Variants in SLC25A31 observed in about 807,000 individuals in gnomAD.
SLC25A31 encodes the protein solute carrier family 25 member 31.
A neutral mutation model predicts 36.2 loss-of-function variants in SLC25A31; 40 were observed. The ratio of observed to expected loss-of-function variants is 1.10; its 90% CI spans 0.86 to 1.44. The LOEUF is 1.44. Among genes scored for constraint, SLC25A31 ranks in the 40% most tolerant of loss-of-function variants. The pLI is 0.00. For synonymous variants in SLC25A31, 143 were observed against 149.7 expected (o/e 0.96, Z 0.32); for missense variants, 350 against 397.1 (o/e 0.88, Z 1.01).
chr4:127,756,544 TAATG>T (rs1237657257), intron 2 of SLC25A31, among the ~76,000 whole-genome samples: 1 of 152,158 alleles, frequency 6.6e-6, no homozygotes, highest in African/African-American at 2.4e-5. Flanking sequence ...TAGTTAATAA[TAATG>T]TATATTTCAA....
chr4:127,768,620 A>G (rs1195722487), intron 4 of SLC25A31, 132 bp from the exon 5 acceptor site: 2 of 708,902 alleles, frequency 2.8e-6, no homozygotes, highest in African/African-American at 3.6e-5. Flanking sequence ...CTACTATTAA[A>G]TCCAACATTT....
chr4:127,745,837 T>C (rs550990033), intron 2 of SLC25A31, among the ~76,000 whole-genome samples: 2 of 152,258 alleles, frequency 1.3e-5, no homozygotes, highest in African/African-American at 4.8e-5. Flanking sequence ...TGGGGGTACA[T>C]GTGAAGGTTT....
intron 2 of SLC25A31, among the ~76,000 whole-genome samples, chr4:127,753,715 C>A (rs1006955586): frequency 6.6e-6 from 1 of 152,028 alleles, no homozygotes; most frequent in South Asian, 2.1e-4. Flanking sequence ...AACCCAGGAT[C>A]AGATGGCTTT....
intron 2 of SLC25A31, among the ~76,000 whole-genome samples, chr4:127,748,016 G>A (rs1731855835): frequency 1.3e-5 from 2 of 152,200 alleles, no homozygotes; most frequent in South Asian, 4.1e-4. Context: ...AACACGTGAT[G>A]TGTTGCCACA....
In SLC25A31 at chr4:127,768,767, C is replaced by T. The variant is rs867010410; in HGVS notation, c.649C>T (p.Pro217Ser). ...YDTVKGLLPK[P>S]KKTPFLVSFF... ...TCTTTTCTAGGGTTTATTACCAAAG[C>T]CAAAGAAAACTCCATTTCTTGTCTC... Residue 217 changes from proline to serine, a missense_variant, in exon 5 of 6, where the codon CCA (proline) becomes TCA (serine). Pro to Ser is a moderately conservative substitution (Grantham distance 74). Coordinates refer to ENST00000281154, the MANE Select transcript of SLC25A31 (RefSeq NM_031291.4). 1.9e-6 allele frequency: 3 copies of T among 1,601,632 alleles called. No homozygotes were observed. The highest frequency in any genetic ancestry group is 1.7e-4 in the Middle Eastern group (1 of 6,000).
chr4:127,764,362 T>A lies in SLC25A31; in HGVS notation c.478+2T>A. On this transcript the variant is annotated splice_donor_variant, in intron 3 of 5. Transcript: ENST00000281154. LOFTEE classifies it high-confidence loss of function. ...GATTAGGTGTCGATATTGGAAAAGGTATGAGATTTTTAGAAATACTAACTT... is the reference window on the plus strand; with the variant it reads ...GATTAGGTGTCGATATTGGAAAAGGAATGAGATTTTTAGAAATACTAACTT... The A allele has an allele frequency of 6.2e-7, 1 of 1,603,876 alleles. No individual in the cohort carries two copies. Among genetic ancestry groups the A allele is most frequent in the Non-Finnish European group, 8.5e-7 (1 of 1,172,576 alleles).
chr4:127,758,474 T>A (rs1732072210), intron 2 of SLC25A31, among the ~76,000 whole-genome samples: 1 of 152,242 alleles, frequency 6.6e-6, no homozygotes, highest in South Asian at 2.1e-4. Context: ...AGAAGCTTTT[T>A]CAGTCCCATT....
Position 127,768,780 on chromosome 4 carries a change from CA to C in SLC25A31, c.663del (p.Val224SerfsTer9). On this transcript the variant is annotated frameshift_variant, in exon 5 of 6. Transcript: ENST00000281154. LOFTEE classifies it high-confidence loss of function. ...KGLLPKPKKT[P>X]FLVSFFIAQV... ...TTATTACCAAAGCCAAAGAAAACTC[CA>C]TTTCTTGTCTCCTTTTTCATTGCTC... The C allele has an allele frequency of 6.2e-7, 1 of 1,605,032 alleles. No homozygotes were observed. Among genetic ancestry groups the C allele is most frequent in the Non-Finnish European group, 8.5e-7 (1 of 1,175,882 alleles).
At position 127,773,385 on chromosome 4, in the gene SLC25A31, G is replaced by A. The variant is rs779949843; in HGVS notation, c.760-1G>A. The A allele has an allele frequency of 1.0e-5, 16 of 1,607,676 alleles. No individual in the cohort carries two copies. In the South Asian group the frequency reaches 1.2e-4, roughly 12 times the overall value. On this transcript the variant is annotated splice_acceptor_variant, in intron 5 of 5. Coordinates refer to ENST00000281154, the MANE Select transcript of SLC25A31 (RefSeq NM_031291.4). LOFTEE classifies it high-confidence loss of function. ...AAAACCCTTTGTTTTTCTTTGTATA[G>A]AGTGGTGAGGCTAAACGGCAATATA...
chr4:127,762,450 T>A (rs983034216), intron 2 of SLC25A31, among the ~76,000 whole-genome samples: 2 of 152,178 alleles, frequency 1.3e-5, no homozygotes, highest in Non-Finnish European at 2.9e-5. Flanking sequence ...GAGTGACTTA[T>A]AACAGGCCTG....
rs551924632 is a variant in SLC25A31, at chr4:127,756,510, G to T, written c.361-7733G>T. Among the ~76,000 whole-genome samples the T allele has an allele frequency of 4.1e-4, 63 of 152,120 alleles. 2 individuals are homozygous for T. In the South Asian group the frequency reaches 0.012, roughly 30 times the overall value. ...TTAGACAGGAGGAATAAGTTTTAGG[G>T]CTCTGTTGTACACCATGAGACTGTA... is the stretch of plus-strand genomic sequence containing the variant. On this transcript the variant is annotated intron_variant, in intron 2 of 5. Coordinates refer to ENST00000281154, the MANE Select transcript of SLC25A31 (RefSeq NM_031291.4).
intron 2 of SLC25A31, among the ~76,000 whole-genome samples, chr4:127,748,254 G>T (rs1731860159): frequency 6.6e-6 from 1 of 152,162 alleles, no homozygotes; most frequent in African/African-American, 2.4e-5. Context: ...TATAGATCTT[G>T]AAACAGTCCT....
At chr4:127,750,818 G>T (rs1234594157) in intron 2 of SLC25A31, among the ~76,000 whole-genome samples, 1 of 151,606 alleles carries the variant, frequency 6.6e-6, no homozygotes, top group Non-Finnish European at 1.5e-5. Flanking sequence ...AATTATGAAG[G>T]AAGACACCAA....
At chr4:127,740,872 T>C (rs1731718363) in intron 1 of SLC25A31, among the ~76,000 whole-genome samples, 1 of 152,240 alleles carries the variant, frequency 6.6e-6, no homozygotes, top group Admixed American at 6.5e-5. Flanking sequence ...GTAGGGTGGC[T>C]CAGGCTGCTC....
chr4:127,773,471 G>C lies in SLC25A31; in HGVS notation c.845G>C (p.Arg282Pro). The C allele has an allele frequency of 6.2e-7, 1 of 1,613,638 alleles. No individual in the cohort carries two copies. The highest frequency in any genetic ancestry group is 2.2e-5 in the East Asian group (1 of 44,862). The change falls in exon 6 of 6, where the codon CGT (arginine) becomes CCT (proline). Residue 282 changes from arginine (R) to proline (P), a missense_variant. Coordinates refer to ENST00000281154, the MANE Select transcript of SLC25A31 (RefSeq NM_031291.4). The stretch of plus-strand genomic sequence containing the variant: ...CATGAAGGAATCAGTTCCTTTTTTC[G>C]TGGCGCCTTCTCCAATGTTCTTCGC... The part of the protein sequence containing the change: ...YQHEGISSFF[R>P]GAFSNVLRGT...
chr4:127,730,880 C>G (rs1731511560), intron 1 of SLC25A31, 103 bp downstream of exon 1: 5 of 1,059,752 alleles, frequency 4.7e-6, no homozygotes, highest in African/African-American at 1.6e-5. Context: ...CCCACAACCA[C>G]AGCTACAGCT....
At chr4:127,768,536 C>A (rs1025726031) in intron 4 of SLC25A31, among the ~76,000 whole-genome samples, 1 of 152,026 alleles carries the variant, frequency 6.6e-6, no homozygotes, top group Non-Finnish European at 1.5e-5. Context: ...CTTATAATGG[C>A]AAATATGCTT....
chr4:127,746,519 A>G (rs540686012), intron 2 of SLC25A31, among the ~76,000 whole-genome samples: 2 of 151,582 alleles, frequency 1.3e-5, no homozygotes, highest in South Asian at 2.1e-4. Context: ...TTTGATTTGC[A>G]TTTTTCTAAT....
chr4:127,733,045 TTA>T (rs1326743683), intron 1 of SLC25A31, among the ~76,000 whole-genome samples: 9 of 152,356 alleles, frequency 5.9e-5, no homozygotes, highest in African/African-American at 1.9e-4. Context: ...TGAAACCTGT[TTA>T]TGTTTCTCTA....
Sources: allele counts gnomAD v4.1 joint callset (sites outside exome capture counted in the v4.1 genomes callset), GRCh38; gene constraint gnomAD v4.1.1; transcripts MANE v1.5; gene names NCBI Gene and HGNC (gene_info 2026-07-23, HGNC 2026-07-21).